Variants in MYH2 observed in about 807,000 individuals in gnomAD.
MYH2 encodes the protein myosin heavy chain 2.
A neutral mutation model predicts 228.1 loss-of-function variants in MYH2; 139 were observed. That is an observed-to-expected ratio of 0.61 (90% CI 0.53 to 0.70). The LOEUF (loss-of-function observed/expected upper bound fraction) is 0.70, where lower values mean the gene tolerates loss of function less well. Ranked by LOEUF, MYH2 falls within the 30% of genes least tolerant of loss-of-function variation. The pLI is 0.00. For synonymous variants in MYH2, 796 were observed against 871.1 expected (o/e 0.91, Z 1.52); for missense variants, 1,809 against 2,357.5 (o/e 0.77, Z 4.82).
chr17:10,526,901 T>G (rs772352645), intron 29 of MYH2, 37 bp downstream of exon 29: 7 of 1,613,136 alleles, frequency 4.3e-6, no homozygotes, highest in South Asian at 1.1e-5. Context: ...TAGAATCAGC[T>G]CATGAGGGAA....
Position 10,525,495 on chromosome 17 carries a change from A to G in MYH2, c.4493T>C (p.Leu1498Ser). The part of the protein sequence containing the change: ...FKIKNAYEES[L>S]DQLETLKREN... ...TCGCTTCAGGGTTTCTAGCTGATCCAAAGATTCCTCATAGGCATTCTTTAT... is the reference window on the plus strand; with the variant it reads ...TCGCTTCAGGGTTTCTAGCTGATCCGAAGATTCCTCATAGGCATTCTTTAT... The change falls in exon 32 of 40, where the codon TTG becomes TCG. Residue 1498 changes from leucine (L) to serine (S), a missense_variant. This residue lies in a region of MYH2 where 636 missense variants were observed against 729.9 expected (regional missense o/e 0.87). Transcript: ENST00000245503. The surrounding 1 kb of genome is among the most constrained non-coding windows in gnomAD (Gnocchi z 4.2). 1.2e-6 allele frequency: 2 copies of G among 1,614,212 alleles called. No individual in the cohort carries two copies. The highest frequency in any genetic ancestry group is 8.5e-7 in the Non-Finnish European group (1 of 1,180,030).
At position 10,548,684 on chromosome 17, in the gene MYH2, T is replaced by C. The variant is rs186441568; in HGVS notation, c.-21+691A>G. ...GTAGCCAACGTTAACCTCATTCTTC[T>C]ACATCTAAGGGCTCCCTTTACTATT... On this transcript the variant is annotated intron_variant, in intron 2 of 39. Transcript: ENST00000245503. 2.0e-3 allele frequency among the ~76,000 whole-genome samples: 306 copies of C among 152,336 alleles called. 1 individual carries two copies. Among genetic ancestry groups the C allele is most frequent in the African/African-American group, 7.1e-3 (296 of 41,588 alleles).
chr17:10,521,519 A>G lies in MYH2; in HGVS notation c.5674-87T>C, dbSNP rs570606796. The G allele has an allele frequency of 2.2e-6, 3 of 1,353,144 alleles. No individual in the cohort carries two copies. In the South Asian group the frequency reaches 3.6e-5, roughly 16 times the overall value. The allele number at this position is 1,353,144 out of a possible 1,614,324, so 83.8% of individuals were successfully genotyped here. On this transcript the variant is annotated intron_variant, in intron 39 of 39. Coordinates refer to ENST00000245503, the MANE Select transcript of MYH2 (RefSeq NM_017534.6). ...TAATAGAAGAAAGGACTTGGCATCT[A>G]TGGAGAAGCAACATCTAGGGATTAT...
Position 10,535,363 on chromosome 17 carries a change from C to T in MYH2, c.1977G>A (p.Glu659=). The T allele has an allele frequency of 1.2e-6, 2 of 1,613,844 alleles. No individual in the cohort carries two copies. The highest frequency in any genetic ancestry group is 1.7e-6 in the Non-Finnish European group (2 of 1,179,768). The change falls in exon 18 of 40, where the codon GAG becomes GAA. Residue 659 remains glutamate, a splice_region_variant and synonymous_variant. Transcript: ENST00000245503. ...SFQTVSALFR[E]NLNKLMTNLR... The stretch of plus-strand genomic sequence containing the variant: ...GGTTGGTCATCAGCTTGTTCAAATT[C>T]TCCTGTAAAACCAGGAAAAATCCTG...
chr17:10,522,224 G>T (rs1027963168), intron 39 of MYH2, among the ~76,000 whole-genome samples: 7 of 152,018 alleles, frequency 4.6e-5, no homozygotes, highest in Non-Finnish European at 1.5e-5. Flanking sequence ...TCTGGACTTG[G>T]GTCCATTTCC....
chr17:10,546,778 T>A (rs1285582838), intron 4 of MYH2, among the ~76,000 whole-genome samples: 2 of 128,628 alleles, frequency 1.6e-5, no homozygotes, highest in African/African-American at 5.3e-5. Context: ...AAATTTGTTT[T>A]TAAAAAAAAA....
intron 4 of MYH2, 63 bp downstream of exon 4, chr17:10,547,412 G>A: frequency 6.3e-7 from 1 of 1,597,312 alleles, no homozygotes. Context: ...ATGCTCAGTG[G>A]AAGAAGCAGG....
rs761382091 is a variant in MYH2, at chr17:10,529,654, G to C, written c.3027C>G (p.His1009Gln). The stretch of plus-strand genomic sequence containing the variant: ...CCTGCAGGTCATCCAGGGTCTGCTG[G>C]TGGGCCTCCTGGAGAGCCTTCTTCT... Reference protein sequence around the residue: ...TKEKKALQEAHQQTLDDLQAE... With the variant: ...TKEKKALQEAQQQTLDDLQAE... The change falls in exon 24 of 40, where the codon CAC becomes CAG. Residue 1009 changes from histidine to glutamine, a missense_variant. By Grantham distance (24) the His-to-Gln change is conservative (BLOSUM62 0). Transcript: ENST00000245503. 2.0e-5 allele frequency: 33 copies of C among 1,613,992 alleles called. No individual in the cohort carries two copies. Among genetic ancestry groups the C allele is most frequent in the South Asian group, 7.7e-5 (7 of 91,068 alleles).
chr17:10,528,043 C>CT (rs1485283666), intron 27 of MYH2, among the ~76,000 whole-genome samples, 169 bp from the exon 28 acceptor site: 4 of 136,146 alleles, frequency 2.9e-5, no homozygotes, highest in African/African-American at 1.1e-4. Flanking sequence ...ATTTTTCTTT[C>CT]TTTCTTTTTT....
At chr17:10,546,993 A>T (rs1335029723) in intron 4 of MYH2, among the ~76,000 whole-genome samples, 1 of 151,930 alleles carries the variant, frequency 6.6e-6, no homozygotes, top group Non-Finnish European at 1.5e-5. Context: ...CTGGAGGCTG[A>T]GGCACAAGAA....
At chr17:10,541,965 T>C (rs909634940) in intron 10 of MYH2, among the ~76,000 whole-genome samples, 1 of 152,166 alleles carries the variant, frequency 6.6e-6, no homozygotes, top group Admixed American at 6.5e-5. Context: ...CATGGTGCTC[T>C]TATAAATCCT....
rs776353019 is a variant in MYH2, at chr17:10,531,821, TCA to T, written c.2507_2508del (p.Met836LysfsTer16). On this transcript the variant is annotated frameshift_variant, in exon 22 of 40. Coordinates refer to ENST00000245503, the MANE Select transcript of MYH2 (RefSeq NM_017534.6). LOFTEE classifies it high-confidence loss of function. ...AGAGGCTTGATCTTGAAGAAGAGTT[TCA>T]TCCAGGGCCAGTGCTTGACATTCAT... Reference protein sequence around the residue: ...SFMNVKHWPWMKLFFKIKPLL... With the variant: ...SFMNVKHWPWXKLFFKIKPLL... 1.2e-6 allele frequency: 2 copies of T among 1,614,064 alleles called. No individual in the cohort carries two copies. The highest frequency in any genetic ancestry group is 1.7e-6 in the Non-Finnish European group (2 of 1,180,016).
chr17:10,529,271 A>G lies in MYH2; in HGVS notation c.3264-19T>C. The G allele has an allele frequency of 6.2e-7, 1 of 1,614,202 alleles. No homozygotes were observed. The highest frequency in any genetic ancestry group is 8.5e-7 in the Non-Finnish European group (1 of 1,180,040). ...CTCTTTCCTTTTAGAAAAGTAGCAA[A>G]GGACAACAATTTAGTCCGTATCTAA... On this transcript the variant is annotated intron_variant, in intron 25 of 39. Coordinates refer to ENST00000245503, the MANE Select transcript of MYH2 (RefSeq NM_017534.6).
Position 10,524,786 on chromosome 17 carries a change from T to TCC in MYH2, c.4940_4941dup (p.Asn1648GlyfsTer27), listed in dbSNP as rs1398784135. On this transcript the variant is annotated frameshift_variant, in exon 34 of 40. Transcript: ENST00000245503. LOFTEE classifies it high-confidence loss of function. The surrounding 1 kb of genome is among the most constrained non-coding windows in gnomAD (Gnocchi z 4.7). ...AGGATGCCTTGGGTGTTCCTGTAGT[T>TCC]CCTCAGGGCCTCAGCAGCCATGCGG... 1 of 1,614,048 alleles carries TCC rather than the reference T, an allele frequency of 6.2e-7. No individual in the cohort carries two copies. Among genetic ancestry groups the TCC allele is most frequent in the Non-Finnish European group, 8.5e-7 (1 of 1,180,042 alleles).
Position 10,525,185 on chromosome 17 carries a change from T to C in MYH2, c.4662+39A>G. 1 of 1,613,934 alleles carries C rather than the reference T, an allele frequency of 6.2e-7. No homozygotes were observed. The highest frequency in any genetic ancestry group is 8.5e-7 in the Non-Finnish European group (1 of 1,179,978). ...CACTCTATGCAGATGTACCTAATTATTTTCCAGATTTTTTTATAATGCACA... is the reference window on the plus strand; with the variant it reads ...CACTCTATGCAGATGTACCTAATTACTTTCCAGATTTTTTTATAATGCACA... On this transcript the variant is annotated intron_variant, in intron 33 of 39. Coordinates refer to ENST00000245503, the MANE Select transcript of MYH2 (RefSeq NM_017534.6). The surrounding 1 kb of genome is among the most constrained non-coding windows in gnomAD (Gnocchi z 4.2).
Position 10,525,494 on chromosome 17 carries a change from CA to C in MYH2, c.4493del (p.Leu1498TrpfsTer4). On this transcript the variant is annotated frameshift_variant, in exon 32 of 40. Coordinates refer to ENST00000245503, the MANE Select transcript of MYH2 (RefSeq NM_017534.6). LOFTEE classifies it high-confidence loss of function. This position sits in a 1 kb window ranked among gnomAD's most constrained non-coding sequence, Gnocchi z 4.2. The stretch of plus-strand genomic sequence containing the variant: ...CTCGCTTCAGGGTTTCTAGCTGATC[CA>C]AAGATTCCTCATAGGCATTCTTTAT... ...FKIKNAYEES[L>X]DQLETLKREN... The C allele has an allele frequency of 6.2e-7, 1 of 1,614,174 alleles. No individual in the cohort carries two copies. Among genetic ancestry groups the C allele is most frequent in the Non-Finnish European group, 8.5e-7 (1 of 1,180,036 alleles).
At chr17:10,531,518 C>T in intron 22 of MYH2, 115 bp downstream of exon 22, 1 of 1,458,164 alleles carries the variant, frequency 6.9e-7, no homozygotes, top group Non-Finnish European at 9.6e-7. Context: ...AGTGTTTTAA[C>T]CTTTTCCTTC....
At chr17:10,536,733 G>A (rs1188608506) in intron 16 of MYH2, 127 bp from the exon 17 acceptor site, 2 of 827,916 alleles carry the variant, frequency 2.4e-6, no homozygotes, top group Non-Finnish European at 3.9e-6. Context: ...GATTGAGCCT[G>A]AATGAATCTT....
At position 10,531,769 on chromosome 17, in the gene MYH2, T is replaced by A; in HGVS notation, c.2561A>T (p.Glu854Val). The A allele has an allele frequency of 6.2e-7, 1 of 1,614,234 alleles. No individual in the cohort carries two copies. The highest frequency in any genetic ancestry group is 1.7e-5 in the Admixed American group (1 of 60,032). Residue 854 changes from glutamate to valine, a missense_variant, in exon 22 of 40, where the codon GAG becomes GTG. By Grantham distance (121) the Glu-to-Val change is moderately radical. This residue lies in a region of MYH2 where 276 missense variants were observed against 344.2 expected (regional missense o/e 0.80). Coordinates refer to ENST00000245503, the MANE Select transcript of MYH2 (RefSeq NM_017534.6). ...AAATTCTTCCTTCATGGTGGCCATCTCCTTCTCAGTTTCTGCACTCTTCAA... is the reference window on the plus strand; with the variant it reads ...AAATTCTTCCTTCATGGTGGCCATCACCTTCTCAGTTTCTGCACTCTTCAA... ...PLLKSAETEK[E>V]MATMKEEFQK...
Sources: allele counts gnomAD v4.1 joint callset (sites outside exome capture counted in the v4.1 genomes callset), GRCh38; gene constraint gnomAD v4.1.1; regional missense constraint gnomAD v4.1.1; non-coding constraint Gnocchi (gnomAD v3.1); transcripts MANE v1.5; gene names NCBI Gene and HGNC (gene_info 2026-07-23, HGNC 2026-07-21).